Variants in PVALEF observed in about 807,000 individuals in gnomAD.
PVALEF encodes the protein parvalbumin-like EF-hand-containing protein.
A neutral mutation model predicts 1.2 loss-of-function variants in PVALEF; 2 were observed. That is an observed-to-expected ratio of 1.68 (90% CI 0.69 to 5.28). PVALEF has a LOEUF of 5.28. Ranked by LOEUF, PVALEF falls within the 30% of genes most tolerant of loss-of-function variation. The pLI is 0.06. For missense variants in PVALEF, 35 were observed against 17.7 expected, an observed-to-expected ratio of 1.97 and a Z score of -1.75; for synonymous variants, 16 against 6.5, an observed-to-expected ratio of 2.47 and a Z score of -2.24.
At chr17:81,178,887 T>C (rs770793396) in intron 2 of PVALEF, 31 bp from the exon 3 acceptor site, 17 of 230,974 alleles carry the variant, frequency 7.4e-5, no homozygotes, top group Admixed American at 3.3e-4. Context: ...GGCTCACTGG[T>C]GCCCTCTCTT....
At chr17:81,180,224 G>A (rs1419187144) in intron 3 of PVALEF, among the ~76,000 whole-genome samples, 1 of 152,206 alleles carries the variant, frequency 6.6e-6, no homozygotes, top group Non-Finnish European at 1.5e-5. Context: ...GGGCAGATGG[G>A]ACATTGGTTC....
In PVALEF at chr17:81,181,653, G is replaced by A. The variant is rs2061554604; in HGVS notation, c.201G>A (p.Leu67=). ...CCATCCACACGGCCTTCCAGTCCCTGGACAAGGACAAGAGTGGCTTCATTG... is the reference window on the plus strand; with the variant it reads ...CCATCCACACGGCCTTCCAGTCCCTAGACAAGGACAAGAGTGGCTTCATTG... ...DDAIHTAFQS[L]DKDKSGFIEW... is the part of the protein sequence containing the mutation. The change falls in exon 5 of 7, where the codon CTG becomes CTA. Residue 67 remains leucine, a synonymous_variant. Coordinates refer to ENST00000637878, the MANE Select transcript of PVALEF (RefSeq NM_001354639.2). The A allele has an allele frequency of 2.4e-6, 1 of 411,658 alleles. No individual in the cohort carries two copies. The highest frequency in any genetic ancestry group is 4.3e-6 in the Non-Finnish European group (1 of 234,822). The allele number at this position is 411,658 out of a possible 1,614,324, so 25.5% of individuals were successfully genotyped here.
At chr17:81,166,406 C>CG (rs1044919004) in intron 1 of PVALEF, among the ~76,000 whole-genome samples, 2 of 61,614 alleles carry the variant, frequency 3.2e-5, no homozygotes, top group Admixed American at 4.0e-4. Context: ...GGAGGGGGGA[C>CG]GGGGGGCCGT....
intron 2 of PVALEF, among the ~76,000 whole-genome samples, chr17:81,168,554 A>G (rs2061507204): frequency 6.6e-6 from 1 of 152,196 alleles, no homozygotes. Flanking sequence ...GGACAGGATC[A>G]GTGAGCACCT....
chr17:81,171,052 G>T (rs1335190250), intron 2 of PVALEF, among the ~76,000 whole-genome samples: 1 of 152,226 alleles, frequency 6.6e-6, no homozygotes, highest in East Asian at 1.9e-4. Context: ...TGCCAACCCT[G>T]CGGGGGTCAG....
At chr17:81,182,679 C>T (rs1031640985) in intron 6 of PVALEF, among the ~76,000 whole-genome samples, 1 of 152,224 alleles carries the variant, frequency 6.6e-6, no homozygotes, top group Non-Finnish European at 1.5e-5. Flanking sequence ...GGTGGGAATT[C>T]CTGAGAGTCT....
intron 2 of PVALEF, among the ~76,000 whole-genome samples, chr17:81,167,341 CTCAT>C (rs1384040650): frequency 7.9e-5 from 12 of 152,182 alleles, no homozygotes; most frequent in Non-Finnish European, 1.5e-4. Context: ...CCCTCATCCA[CTCAT>C]TCATTCACTC....
intron 2 of PVALEF, among the ~76,000 whole-genome samples, chr17:81,167,289 T>TA (rs1452101330): frequency 2.7e-5 from 2 of 74,900 alleles, no homozygotes; most frequent in Non-Finnish European, 7.9e-5. Context: ...AGATCTTGTC[T>TA]CAAAAAAAGT....
In PVALEF at chr17:81,181,544, G is replaced by A. The variant is rs868373366; in HGVS notation, c.107-15G>A. On this transcript the variant is annotated splice_polypyrimidine_tract_variant and intron_variant, in intron 4 of 6. Transcript: ENST00000637878. Reference sequence around the variant, plus strand: ...TGAGGTGGGCCCCTCCGTGAGCCCCGCCTGGTTGCCCCAGGGTCCTTCAAC... The same window carrying A: ...TGAGGTGGGCCCCTCCGTGAGCCCCACCTGGTTGCCCCAGGGTCCTTCAAC... 51 of 471,098 alleles carry A rather than the reference G, an allele frequency of 1.1e-4. No homozygotes were observed. In the Middle Eastern group the frequency reaches 2.6e-3, roughly 24 times the overall value. The allele number at this position is 471,098 out of a possible 1,614,324, so 29.2% of individuals were successfully genotyped here.
chr17:81,175,282 T>TAAATAAATAGAAACACAA (rs2061533058), intron 2 of PVALEF, among the ~76,000 whole-genome samples: 1 of 152,076 alleles, frequency 6.6e-6, no homozygotes, highest in Non-Finnish European at 1.5e-5. Context: ...AAAGAAGACA[T>TAAATAAATAGAAACACAA]AAATAAATAG....
intron 2 of PVALEF, among the ~76,000 whole-genome samples, chr17:81,173,977 A>T (rs2146446317): frequency 6.6e-6 from 1 of 152,362 alleles, no homozygotes; most frequent in South Asian, 2.1e-4. Flanking sequence ...TTATTCCTGG[A>T]ATGCAAGGAT....
intron 1 of PVALEF, among the ~76,000 whole-genome samples, chr17:81,166,261 A>AC (rs1555604233): frequency 1.7e-3 from 108 of 61,980 alleles, no homozygotes; most frequent in African/African-American, 6.6e-3. Context: ...GGCGCGGGGG[A>AC]GGGGGGGGCC....
intron 1 of PVALEF, among the ~76,000 whole-genome samples, 174 bp from the exon 2 acceptor site, chr17:81,166,503 C>CGGGG (rs1352693269): frequency 2.6e-3 from 34 of 13,264 alleles, no homozygotes; most frequent in South Asian, 0.01. Flanking sequence ...CGGAGGCTGG[C>CGGGG]GGGGGGGGGG....
At chr17:81,172,350 C>T (rs531250045) in intron 2 of PVALEF, among the ~76,000 whole-genome samples, 25 of 152,320 alleles carry the variant, frequency 1.6e-4, no homozygotes, top group African/African-American at 5.8e-4. Context: ...CCTTCTGACC[C>T]GCTCATTCCA....
chr17:81,175,175 G>A (rs1406074622), intron 2 of PVALEF, among the ~76,000 whole-genome samples: 2 of 152,038 alleles, frequency 1.3e-5, no homozygotes, highest in African/African-American at 4.8e-5. Context: ...TCCATGTATA[G>A]TACCATTGAA....
Position 81,179,087 on chromosome 17 carries a change from C to T in PVALEF, c.-170C>T, listed in dbSNP as rs142136152. The T allele has an allele frequency of 1.8e-3, 798 of 452,358 alleles. 3 individuals are homozygous for T. The highest frequency in any genetic ancestry group is 0.012 in the Admixed American group (518 of 42,206). 28.0% of individuals were successfully genotyped at this position (452,358 alleles called of 1,614,324 possible). On this transcript the variant is annotated 5_prime_UTR_variant, in exon 3 of 7. Transcript: ENST00000637878. The stretch of plus-strand genomic sequence containing the variant: ...AGGCTTGCAGGTATAAAAGCTGGAG[C>T]CCCTGGGCCTCTCCACACCCCAGCC...
In PVALEF at chr17:81,165,523, G is replaced by A; in HGVS notation, c.-732G>A. On this transcript the variant is annotated 5_prime_UTR_variant, in exon 1 of 7. Coordinates refer to ENST00000637878, the MANE Select transcript of PVALEF (RefSeq NM_001354639.2). ...GGGCTCTGAGAATCGCTCCCAGCCT[G>A]GGAAGAAGCCTCCCACGCCAGGGCC... 1 of 755,380 alleles carries A rather than the reference G, an allele frequency of 1.3e-6. No individual in the cohort carries two copies. The highest frequency in any genetic ancestry group is 6.0e-5 in the East Asian group (1 of 16,670). 46.8% of individuals were successfully genotyped at this position (755,380 alleles called of 1,614,324 possible). A position where few individuals can be genotyped will look rare whatever the true frequency, so the allele number is the denominator to read the frequency against.
At chr17:81,166,044 C>T (rs2061487020) in intron 1 of PVALEF, 11 of 1,374,210 alleles carry the variant, frequency 8.0e-6, no homozygotes, top group Admixed American at 3.2e-5. Context: ...GCTCAGGACG[C>T]CCGCGGCCCC....
intron 2 of PVALEF, among the ~76,000 whole-genome samples, chr17:81,167,647 G>T (rs184575370): frequency 6.6e-6 from 1 of 152,198 alleles, no homozygotes; most frequent in Non-Finnish European, 1.5e-5. Context: ...AAAGCAAGGG[G>T]CCTCCACCCT....
Sources: allele counts gnomAD v4.1 joint callset (sites outside exome capture counted in the v4.1 genomes callset), GRCh38; gene constraint gnomAD v4.1.1; transcripts MANE v1.5; gene names NCBI Gene and HGNC (gene_info 2026-07-23, HGNC 2026-07-21).